The following TAOK1 variants were observed in gnomAD, a reference collection of about 807,000 sequenced individuals.
The protein encoded by TAOK1 is TAO kinase 1.
A neutral mutation model predicts 138.3 loss-of-function variants in TAOK1; 21 were observed. The ratio of observed to expected loss-of-function variants is 0.15; its 90% CI spans 0.11 to 0.22. TAOK1 has a LOEUF of 0.22. TAOK1 is among the 10% of genes least tolerant of loss of function. The probability of loss-of-function intolerance (pLI) is 1.00; values close to 1 mark genes in which losing one functional copy is unlikely to be tolerated. For synonymous variants in TAOK1, 361 were observed against 398.4 expected (o/e 0.91, Z 1.12); for missense variants, 651 against 1,227.7 (o/e 0.53, Z 7.02).
At chr17:29,455,806 CTG>C (rs1229565739) in intron 2 of TAOK1, among the ~76,000 whole-genome samples, 1 of 150,082 alleles carries the variant, frequency 6.7e-6, no homozygotes, top group Non-Finnish European at 1.5e-5. Context: ...CCTTACATGT[CTG>C]TGATAAATCA....
chr17:29,480,994 G>C (rs2031050453), intron 7 of TAOK1, among the ~76,000 whole-genome samples: 1 of 151,628 alleles, frequency 6.6e-6, no homozygotes, highest in Admixed American at 6.6e-5. Flanking sequence ...GTGTGATTGA[G>C]TTGCAAGCTG....
chr17:29,550,790 T>G lies in TAOK1; in HGVS notation c.*7768T>G, dbSNP rs2032478697. The G allele has an allele frequency of 6.6e-6, 1 of 152,484 alleles. No homozygotes were observed. Among genetic ancestry groups the G allele is most frequent in the African/African-American group, 2.4e-5 (1 of 41,440 alleles). 9.4% of individuals were successfully genotyped at this position (152,484 alleles called of 1,614,324 possible). A position where few individuals can be genotyped will look rare whatever the true frequency, so the allele number is the denominator to read the frequency against. On this transcript the variant is annotated 3_prime_UTR_variant, in exon 20 of 20. Coordinates refer to ENST00000261716, the MANE Select transcript of TAOK1 (RefSeq NM_020791.4). ...CTTTGTTTTCCTCAAACAGCATGAT[T>G]TTTTTGCACATGTAGAAATTTTTTA...
intron 19 of TAOK1, among the ~76,000 whole-genome samples, chr17:29,542,283 A>C (rs144012563): frequency 2.8e-4 from 42 of 152,326 alleles, no homozygotes; most frequent in Non-Finnish European, 5.3e-4. Flanking sequence ...TATTGGGTAC[A>C]GTGTTCCCTA....
intron 1 of TAOK1, among the ~76,000 whole-genome samples, chr17:29,398,092 C>G (rs948346984): frequency 6.6e-6 from 1 of 152,104 alleles, no homozygotes; most frequent in African/African-American, 2.4e-5. Flanking sequence ...GTCTCAAACT[C>G]ATGGGGGCTC....
At chr17:29,471,566 C>T (rs527323817) in intron 3 of TAOK1, among the ~76,000 whole-genome samples, 2 of 151,930 alleles carry the variant, frequency 1.3e-5, no homozygotes, top group Middle Eastern at 3.4e-3. Flanking sequence ...CGTGAGCCAC[C>T]GCGCCCAGCT....
chr17:29,542,808 A>C lies in TAOK1; in HGVS notation c.2792A>C (p.Gln931Pro), dbSNP rs767654509. The change falls in exon 20 of 20, where the codon CAA becomes CCA. Residue 931 changes from glutamine (Q) to proline (P), a missense_variant. Physicochemically the swap from Gln to Pro is moderately conservative, Grantham distance 76 (BLOSUM62 -1). This residue lies in a region of TAOK1 where 108 missense variants were observed against 120.3 expected (regional missense o/e 0.90). Transcript: ENST00000261716. ...HWGHPMGGPP[Q>P]AWGHPMQGGP... is the part of the protein sequence containing the mutation. ...GGTCATCCCATGGGTGGCCCACCAC[A>C]AGCTTGGGGCCATCCAATGCAAGGT... 1.2e-6 allele frequency: 2 copies of C among 1,614,120 alleles called. No individual in the cohort carries two copies. Among genetic ancestry groups the C allele is most frequent in the Non-Finnish European group, 1.7e-6 (2 of 1,179,988 alleles).
intron 1 of TAOK1, among the ~76,000 whole-genome samples, chr17:29,447,312 T>C (rs1267845850): frequency 6.6e-6 from 1 of 152,132 alleles, no homozygotes; most frequent in African/African-American, 2.4e-5. Context: ...TTAACTCTTA[T>C]GTAAGTTTCA....
At chr17:29,450,273 T>C (rs910505755) in intron 1 of TAOK1, among the ~76,000 whole-genome samples, 4 of 152,046 alleles carry the variant, frequency 2.6e-5, no homozygotes, top group Non-Finnish European at 5.9e-5. Context: ...TTTTTTGTAT[T>C]GGAAGATCTT....
At chr17:29,467,101 A>G in intron 2 of TAOK1, 44 bp from the exon 3 acceptor site, 1 of 1,442,038 alleles carries the variant, frequency 6.9e-7, no homozygotes, top group Non-Finnish European at 9.5e-7. Flanking sequence ...CCTAGATTTC[A>G]CCTGTTAATT....
rs1451432897 is a variant in TAOK1, at chr17:29,400,401, A to AC, written c.-95+9377_-95+9378insC. Among the ~76,000 whole-genome samples the AC allele has an allele frequency of 3.3e-5, 5 of 151,866 alleles. No homozygotes were observed. In the East Asian group the frequency reaches 9.7e-4, roughly 29 times the overall value. On this transcript the variant is annotated intron_variant, in intron 1 of 19. Transcript: ENST00000261716. ...GCAAAACTCCGTCTCAAAAAAAAAA[A>AC]AAAAAAACAACAAATGACATTTCTT...
At chr17:29,540,731 C>T (rs191329500) in intron 19 of TAOK1, among the ~76,000 whole-genome samples, 20 of 152,190 alleles carry the variant, frequency 1.3e-4, no homozygotes, top group African/African-American at 3.4e-4. Flanking sequence ...CCACCACGCC[C>T]GGCTAATTTT....
intron 1 of TAOK1, among the ~76,000 whole-genome samples, chr17:29,426,063 G>A (rs1905628565): frequency 6.6e-6 from 1 of 152,102 alleles, no homozygotes; most frequent in African/African-American, 2.4e-5. Flanking sequence ...TGTATTTTTA[G>A]TAGAGACGGG....
At chr17:29,510,772 C>G in intron 14 of TAOK1, 92 bp from the exon 15 acceptor site, 1 of 934,488 alleles carries the variant, frequency 1.1e-6, no homozygotes, top group Non-Finnish European at 1.5e-6. Flanking sequence ...ATTTCTTGTT[C>G]TTAGAAAATA....
chr17:29,529,055 T>A (rs2032061208), intron 17 of TAOK1, among the ~76,000 whole-genome samples: 1 of 151,246 alleles, frequency 6.6e-6, no homozygotes, highest in Non-Finnish European at 1.5e-5. Context: ...CACCGCAGCC[T>A]TGAACTCCTG....
intron 2 of TAOK1, among the ~76,000 whole-genome samples, chr17:29,459,368 G>A (rs551081676): frequency 1.3e-5 from 2 of 151,928 alleles, no homozygotes; most frequent in South Asian, 2.1e-4. Context: ...TGCAAACACC[G>A]CCTGCTGGGT....
intron 1 of TAOK1, among the ~76,000 whole-genome samples, chr17:29,415,347 T>C (rs180823995): frequency 4.6e-5 from 7 of 152,352 alleles, no homozygotes; most frequent in Admixed American, 1.3e-4. Context: ...TTCAGTTCTT[T>C]TGGATGTATA....
chr17:29,495,580 G>T lies in TAOK1; in HGVS notation c.852G>T (p.Glu284Asp). ...TCTAGCACATATTTGTTCTTCGGGAGCGCCCTGAAACCGTGTTAATAGATC... is the reference window on the plus strand; with the variant it reads ...TCTAGCACATATTTGTTCTTCGGGATCGCCCTGAAACCGTGTTAATAGATC... ...ELLKHIFVLR[E>D]RPETVLIDLI... Residue 284 changes from glutamate to aspartate, a missense_variant, in exon 11 of 20, where the codon GAG (glutamate) becomes GAT (aspartate). By Grantham distance (45) the Glu-to-Asp change is conservative. Coordinates refer to ENST00000261716, the MANE Select transcript of TAOK1 (RefSeq NM_020791.4). The T allele has an allele frequency of 6.2e-7, 1 of 1,600,042 alleles. No individual in the cohort carries two copies. Among genetic ancestry groups the T allele is most frequent in the African/African-American group, 1.3e-5 (1 of 74,746 alleles).
intron 3 of TAOK1, among the ~76,000 whole-genome samples, chr17:29,473,201 A>G (rs537685780): frequency 2.0e-5 from 3 of 152,354 alleles, no homozygotes; most frequent in African/African-American, 7.2e-5. Flanking sequence ...ACTTCAACTT[A>G]AAATCACAAG....
chr17:29,518,102 C>T (rs950240518), intron 16 of TAOK1, among the ~76,000 whole-genome samples: 24 of 152,130 alleles, frequency 1.6e-4, no homozygotes, highest in African/African-American at 5.6e-4. Flanking sequence ...GCGGTCTGCC[C>T]GTCTCAGCCT....
Sources: gnomAD v4.1 joint callset for allele counts (sites outside exome capture counted in the v4.1 genomes callset) on GRCh38, gnomAD v4.1.1 for gene constraint, gnomAD v4.1.1 regional missense constraint, MANE v1.5 for transcripts, NCBI Gene and HGNC (gene_info 2026-07-23, HGNC 2026-07-21) for gene names.